The following CSMD1 variants were observed in gnomAD, a reference collection of about 807,000 sequenced individuals.
The protein encoded by CSMD1 is CUB and sushi domain-containing protein 1.
CSMD1 carries 213 observed loss-of-function variants against 417.5 expected under a neutral mutation model. That is an observed-to-expected ratio of 0.51 (90% CI 0.46 to 0.57). The LOEUF (loss-of-function observed/expected upper bound fraction) is 0.57. CSMD1 is among the 20% of genes least tolerant of loss of function. The pLI is 0.00. For missense variants in CSMD1, 6,923 were observed against 4,529.7 expected (o/e 1.53, Z -15.17); for synonymous variants, 2,862 against 1,736.8 (o/e 1.65, Z -16.11).
At chr8:4,066,463 A>G (rs1340155509) in intron 3 of CSMD1, among the ~76,000 whole-genome samples, 2 of 152,224 alleles carry the variant, frequency 1.3e-5, no homozygotes, top group Non-Finnish European at 2.9e-5. Flanking sequence ...TATTTTCCAA[A>G]TAAATGATGT....
intron 12 of CSMD1, among the ~76,000 whole-genome samples, chr8:3,428,680 T>C (rs551743505): frequency 6.6e-6 from 1 of 152,242 alleles, no homozygotes; most frequent in South Asian, 2.1e-4. Context: ...AACTATCATA[T>C]GATCCAGTCA....
rs36074048 is a variant in CSMD1 at position 4,637,458 on chromosome 8, G to T, written c.186C>A (p.Ile62=). The change falls in exon 2 of 70, where the codon ATC becomes ATA. Residue 62 remains isoleucine (I), a synonymous_variant. Transcript: ENST00000635120. ...YPNYANCTWI[I]ITGERNRIQL... is the part of the protein sequence containing the mutation. ...GTATCCTATTGCGCTCGCCCGTGATGATGATCCAGGTGCAGTTGGCATAGT... is the reference window on the plus strand; with the variant it reads ...GTATCCTATTGCGCTCGCCCGTGATTATGATCCAGGTGCAGTTGGCATAGT... 4,785 of 1,613,820 alleles carry T rather than the reference G, an allele frequency of 3.0e-3. 20 individuals carry two copies. The highest frequency in any genetic ancestry group is 3.8e-3 in the South Asian group (346 of 91,070).
At chr8:3,559,669 T>A (rs527507995) in intron 10 of CSMD1, among the ~76,000 whole-genome samples, 1 of 152,316 alleles carries the variant, frequency 6.6e-6, no homozygotes, top group East Asian at 1.9e-4. Context: ...TTCTGCTTCG[T>A]ATTTGACTGT....
chr8:3,552,801 C>T lies in CSMD1; in HGVS notation c.1344+22144G>A, dbSNP rs572828454. On this transcript the variant is annotated intron_variant, in intron 10 of 69. Coordinates refer to ENST00000635120, the MANE Select transcript of CSMD1 (RefSeq NM_033225.6). The stretch of plus-strand genomic sequence containing the variant: ...GCTTTTTAATACAGAAGACTAAGAA[C>T]CATTTTCATTAATTTTAAAATTGTA... 3.3e-5 allele frequency among the ~76,000 whole-genome samples: 5 copies of T among 152,064 alleles called. No homozygotes were observed. The South Asian group carries it at 1.0e-3, about 32-fold the overall frequency.
At chr8:4,163,972 G>C (rs891596773) in intron 3 of CSMD1, among the ~76,000 whole-genome samples, 1 of 152,178 alleles carries the variant, frequency 6.6e-6, no homozygotes, top group African/African-American at 2.4e-5. Flanking sequence ...TTTTAGGGTG[G>C]TGATGTGGGA....
At chr8:4,754,890 G>T (rs1252902702) in intron 1 of CSMD1, among the ~76,000 whole-genome samples, 2 of 151,794 alleles carry the variant, frequency 1.3e-5, no homozygotes, top group Non-Finnish European at 2.9e-5. Context: ...TGTAATCCAA[G>T]CACTTTGTGA....
In CSMD1 at chr8:4,922,574, T is replaced by C. The variant is rs193150370; in HGVS notation, c.85+71758A>G. On this transcript the variant is annotated intron_variant, in intron 1 of 69. Transcript: ENST00000635120. ...TTAAGTGCACATATTACATTTGTTT[T>C]CTATAAAAGCTATTGATAGCGCTCA... Among the ~76,000 whole-genome samples, 558 of 152,308 alleles carry C rather than the reference T, an allele frequency of 3.7e-3. 5 individuals are homozygous for C. The highest frequency in any genetic ancestry group is 0.013 in the African/African-American group (530 of 41,566).
chr8:4,256,991 A>G (rs1223951482), intron 3 of CSMD1, among the ~76,000 whole-genome samples: 1 of 152,194 alleles, frequency 6.6e-6, no homozygotes, highest in Non-Finnish European at 1.5e-5. Context: ...TGGAAGAAGT[A>G]TGTAACTTCC....
chr8:4,677,182 G>C (rs1238577394), intron 1 of CSMD1, among the ~76,000 whole-genome samples: 2 of 149,112 alleles, frequency 1.3e-5, no homozygotes, highest in Admixed American at 1.3e-4. Context: ...TCATTTATAT[G>C]GTCAGGTAAC....
At chr8:4,867,161 A>G (rs1435091563) in intron 1 of CSMD1, among the ~76,000 whole-genome samples, 4 of 152,056 alleles carry the variant, frequency 2.6e-5, no homozygotes, top group African/African-American at 9.7e-5. Flanking sequence ...AATTTATTTA[A>G]CCACTGTGAC....
At chr8:3,982,787 G>C (rs1813982246) in intron 5 of CSMD1, among the ~76,000 whole-genome samples, 1 of 152,082 alleles carries the variant, frequency 6.6e-6, no homozygotes, top group African/African-American at 2.4e-5. Context: ...CCAGAACGAG[G>C]GCAAGAATCC....
chr8:4,894,407 G>A (rs777645743), intron 1 of CSMD1, among the ~76,000 whole-genome samples: 6 of 151,222 alleles, frequency 4.0e-5, no homozygotes, highest in Admixed American at 6.6e-5. Flanking sequence ...CTCTTTCTCT[G>A]CCCATTTCAG....
intron 3 of CSMD1, among the ~76,000 whole-genome samples, chr8:4,062,430 T>C (rs987419914): frequency 3.3e-5 from 5 of 152,066 alleles, no homozygotes; most frequent in African/African-American, 4.8e-5. Context: ...TTCTAGAAAT[T>C]TTCTAAGAAT....
intron 2 of CSMD1, among the ~76,000 whole-genome samples, chr8:4,586,178 CT>C (rs1239401167): frequency 1.3e-5 from 2 of 152,142 alleles, no homozygotes; most frequent in African/African-American, 4.8e-5. Context: ...CAATTCCACT[CT>C]TTTGGTTATT....
chr8:3,409,778 A>G (rs1812567655), intron 12 of CSMD1, among the ~76,000 whole-genome samples, 173 bp from the exon 13 acceptor site: 1 of 152,204 alleles, frequency 6.6e-6, no homozygotes, highest in Non-Finnish European at 1.5e-5. Context: ...AATACCAGAA[A>G]AAGAATGTCA....
chr8:4,376,241 G>T (rs937076325), intron 3 of CSMD1, among the ~76,000 whole-genome samples: 1 of 152,008 alleles, frequency 6.6e-6, no homozygotes, highest in Non-Finnish European at 1.5e-5. Flanking sequence ...TTTCCTATTT[G>T]ACAATACTGA....
chr8:3,542,499 A>C (rs186010329), intron 10 of CSMD1, among the ~76,000 whole-genome samples: 3 of 152,212 alleles, frequency 2.0e-5, no homozygotes, highest in Non-Finnish European at 4.4e-5. Context: ...AAAAGCAATA[A>C]ATCAGTGACT....
chr8:3,882,344 C>G (rs2627370), intron 5 of CSMD1, among the ~76,000 whole-genome samples: 1 of 152,076 alleles, frequency 6.6e-6, no homozygotes, highest in Non-Finnish European at 1.5e-5. Flanking sequence ...AAAATCTCGA[C>G]GATGACAGAA....
At chr8:3,223,658 A>G in intron 28 of CSMD1, 71 bp downstream of exon 28, 1 of 1,515,204 alleles carries the variant, frequency 6.6e-7, no homozygotes, top group Non-Finnish European at 9.1e-7. Context: ...CTATGAGGTC[A>G]TAAAAGAAGT....
Sources: gnomAD v4.1 joint callset for allele counts (sites outside exome capture counted in the v4.1 genomes callset) on GRCh38, gnomAD v4.1.1 for gene constraint, MANE v1.5 for transcripts, NCBI Gene and HGNC (gene_info 2026-07-23, HGNC 2026-07-21) for gene names.